The following ADD1 variants were observed in gnomAD, a reference collection of about 807,000 sequenced individuals.
ADD1 encodes the protein adducin 1.
A neutral mutation model predicts 80.5 loss-of-function variants in ADD1; 24 were observed. That is an observed-to-expected ratio of 0.30 (90% CI 0.22 to 0.42). ADD1 has a LOEUF of 0.42. ADD1 is among the 10% of genes least tolerant of loss of function. The pLI, the probability that ADD1 is intolerant of heterozygous loss-of-function variation, is 1.00. For synonymous variants in ADD1, 373 were observed against 393.8 expected (o/e 0.95, Z 0.63); for missense variants, 948 against 1,019.0 (o/e 0.93, Z 0.95).
At chr4:2,889,741 G>A (rs1321248436) in intron 4 of ADD1, among the ~76,000 whole-genome samples, 1 of 152,086 alleles carries the variant, frequency 6.6e-6, no homozygotes, top group African/African-American at 2.4e-5. Context: ...AGAATTGCTT[G>A]AACCCTAGAG....
At chr4:2,852,162 C>A (rs1727213897) in intron 1 of ADD1, among the ~76,000 whole-genome samples, 1 of 75,776 alleles carries the variant, frequency 1.3e-5, no homozygotes, top group Admixed American at 1.5e-4. Context: ...TTCTTTCTTT[C>A]TTTCTTTCTT....
intron 4 of ADD1, among the ~76,000 whole-genome samples, chr4:2,885,002 G>A (rs760965774): frequency 5.3e-5 from 8 of 152,122 alleles, no homozygotes; most frequent in Admixed American, 3.9e-4. Flanking sequence ...AAAGCCTTCC[G>A]TCTCTCAAAC....
intron 1 of ADD1, among the ~76,000 whole-genome samples, chr4:2,850,075 TA>T (rs767561281): frequency 1.3e-5 from 2 of 152,210 alleles, no homozygotes; most frequent in African/African-American, 4.8e-5. Context: ...GTCCATCAGC[TA>T]ATGAGTGGAT....
chr4:2,847,616 C>T (rs1343758441), intron 1 of ADD1, among the ~76,000 whole-genome samples: 1 of 152,130 alleles, frequency 6.6e-6, no homozygotes, highest in Non-Finnish European at 1.5e-5. Context: ...GTTTATTTTG[C>T]TAGTGTTGAG....
chr4:2,859,239 G>A (rs73189450), intron 1 of ADD1, among the ~76,000 whole-genome samples: 1,904 of 152,302 alleles, frequency 0.013, 27 homozygotes, highest in Non-Finnish European at 0.019. Context: ...TTTATTAGAT[G>A]TGTGCCTGGG....
chr4:2,894,101 T>C lies in ADD1; in HGVS notation c.591+8T>C. The stretch of plus-strand genomic sequence containing the variant: ...GTGACTGCATCCAGTTTGGTAAGAA[T>C]GTCCTTCTCTTTGGCAGCTTGTATG... On this transcript the variant is annotated splice_region_variant and intron_variant, in intron 5 of 15. Coordinates refer to ENST00000683351, the MANE Select transcript of ADD1 (RefSeq NM_001354761.2). 5.0e-6 allele frequency: 8 copies of C among 1,610,994 alleles called. No individual in the cohort carries two copies. Among genetic ancestry groups the C allele is most frequent in the Admixed American group, 1.7e-5 (1 of 60,026 alleles).
At chr4:2,899,950 G>A in intron 9 of ADD1, 1 of 217,676 alleles carries the variant, frequency 4.6e-6, no homozygotes, top group South Asian at 6.5e-5. Flanking sequence ...GGGGCCTGCA[G>A]CACACAGGGA....
intron 14 of ADD1, among the ~76,000 whole-genome samples, chr4:2,916,342 T>C (rs903864311): frequency 6.6e-6 from 1 of 151,824 alleles, no homozygotes; most frequent in African/African-American, 2.4e-5. Context: ...ACTACAGGCA[T>C]GCACCACCAT....
intron 6 of ADD1, among the ~76,000 whole-genome samples, 159 bp downstream of exon 6, chr4:2,894,890 A>T (rs926836184): frequency 6.6e-6 from 1 of 152,036 alleles, no homozygotes; most frequent in African/African-American, 2.4e-5. Flanking sequence ...TCTTAAAATA[A>T]TTTTTTTTCC....
rs192148237 is a variant in ADD1 at position 2,908,666 on chromosome 4, G to T, written c.1698+62G>T. On this transcript the variant is annotated intron_variant, in intron 12 of 15. Coordinates refer to ENST00000683351, the MANE Select transcript of ADD1 (RefSeq NM_001354761.2). ...TGGCTGTGTGACCGCCTGCTCCAAA[G>T]TTATTCTGAAATTGAGAGAGTGACT... 911 of 1,375,400 alleles carry T rather than the reference G, an allele frequency of 6.6e-4. 3 individuals carry two copies. The highest frequency in any genetic ancestry group is 4.8e-3 in the Middle Eastern group (27 of 5,582). The allele number at this position is 1,375,400 out of a possible 1,614,324, so 85.2% of individuals were successfully genotyped here.
chr4:2,923,188 G>A (rs1324093531), intron 14 of ADD1, among the ~76,000 whole-genome samples: 1 of 152,200 alleles, frequency 6.6e-6, no homozygotes, highest in African/African-American at 2.4e-5. Context: ...TGGGGTATCA[G>A]AAAAAACTCC....
At chr4:2,912,083 G>A (rs35581320) in intron 13 of ADD1, among the ~76,000 whole-genome samples, 5,066 of 152,314 alleles carry the variant, frequency 0.033, 136 homozygotes, top group Non-Finnish European at 0.048. Flanking sequence ...GAGGTCAGCC[G>A]CTAGTGCAGG....
chr4:2,853,107 CTTTTTTTTT>C (rs1057511241), intron 1 of ADD1: 1 of 133,066 alleles, frequency 7.5e-6, no homozygotes, highest in East Asian at 2.2e-4. Flanking sequence ...TGGTCACTTA[CTTTTTTTTT>C]TTTTTTTTTT....
chr4:2,881,449 T>C (rs572121379), intron 2 of ADD1, among the ~76,000 whole-genome samples: 13 of 152,342 alleles, frequency 8.5e-5, no homozygotes, highest in African/African-American at 2.9e-4. Context: ...GTTATACTGC[T>C]TGATAACATT....
intron 1 of ADD1, among the ~76,000 whole-genome samples, chr4:2,868,870 G>A (rs1412714652): frequency 6.6e-6 from 1 of 152,136 alleles, no homozygotes; most frequent in African/African-American, 2.4e-5. Context: ...GGAAGCATTC[G>A]AGTTGGATAT....
intron 4 of ADD1, among the ~76,000 whole-genome samples, 191 bp from the exon 5 acceptor site, chr4:2,893,822 A>G (rs1005301878): frequency 3.9e-5 from 6 of 152,146 alleles, no homozygotes; most frequent in African/African-American, 1.4e-4. Context: ...CACTTCATAT[A>G]TGTGATAAAT....
rs143765171 is a variant in ADD1 at position 2,888,843 on chromosome 4, A to C, written c.510+4177A>C. Among the ~76,000 whole-genome samples, 572 of 152,326 alleles carry C rather than the reference A, an allele frequency of 3.8e-3. 6 individuals carry two copies. The highest frequency in any genetic ancestry group is 0.013 in the African/African-American group (546 of 41,576). On this transcript the variant is annotated intron_variant, in intron 4 of 15. Transcript: ENST00000683351. Reference sequence around the variant, plus strand: ...ACAATTACAAAGATCATGTAGAACAAGTGAAATATGAAAAATGAAAGGTAT... The same window carrying C: ...ACAATTACAAAGATCATGTAGAACACGTGAAATATGAAAAATGAAAGGTAT...
At chr4:2,909,219 C>T (rs1304285256) in intron 12 of ADD1, 120 bp from the exon 13 acceptor site, 1 of 816,418 alleles carries the variant, frequency 1.2e-6, no homozygotes, top group African/African-American at 1.7e-5. Flanking sequence ...TCATCACTGC[C>T]ACACTTACTG....
intron 2 of ADD1, among the ~76,000 whole-genome samples, chr4:2,877,127 T>G (rs1731482534): frequency 6.6e-6 from 1 of 151,938 alleles, no homozygotes; most frequent in Non-Finnish European, 1.5e-5. Context: ...GCCAACTGAG[T>G]GTTTTCCAGA....
Sources: allele counts gnomAD v4.1 joint callset (sites outside exome capture counted in the v4.1 genomes callset), GRCh38; gene constraint gnomAD v4.1.1; transcripts MANE v1.5; gene names NCBI Gene and HGNC (gene_info 2026-07-23, HGNC 2026-07-21).